Variants in IL19 observed in about 807,000 individuals in gnomAD.
The protein encoded by IL19 is interleukin 19, also known as interleukin-19.
IL19 carries 15 observed loss-of-function variants against 19.5 expected under a neutral mutation model. That is an observed-to-expected ratio of 0.77 (90% CI 0.52 to 1.19). IL19 has a LOEUF of 1.19. Among genes scored for constraint, IL19 ranks in the 50% most tolerant of loss-of-function variants. The pLI is 0.00. For synonymous variants in IL19, 78 were observed against 78.3 expected, an observed-to-expected ratio of 1.00 and a Z score of 0.02; for missense variants, 199 against 213.1, an observed-to-expected ratio of 0.93 and a Z score of 0.41.
At chr1:206,797,851 G>T (rs1428027365) in intron 1 of IL19, among the ~76,000 whole-genome samples, 3 of 152,214 alleles carry the variant, frequency 2.0e-5, no homozygotes, top group Non-Finnish European at 4.4e-5. Flanking sequence ...CTTTCTCCAC[G>T]TGACTATGAG....
chr1:206,789,833 T>C (rs979053435), intron 1 of IL19, among the ~76,000 whole-genome samples: 1 of 152,176 alleles, frequency 6.6e-6, no homozygotes, highest in Admixed American at 6.5e-5. Flanking sequence ...TGGCATTTGG[T>C]TTTCTGTTCC....
At chr1:206,835,499 C>T (rs1349301430) in intron 2 of IL19, among the ~76,000 whole-genome samples, 2 of 152,196 alleles carry the variant, frequency 1.3e-5, no homozygotes, top group Non-Finnish European at 2.9e-5. Context: ...GCTGGGAATC[C>T]TGAGGAAGGC....
At chr1:206,773,283 A>G (rs1377502324) in intron 1 of IL19, among the ~76,000 whole-genome samples, 1 of 152,242 alleles carries the variant, frequency 6.6e-6, no homozygotes, top group Non-Finnish European at 1.5e-5. Context: ...ACTGAGGCAC[A>G]GAGATATTAC....
Position 206,839,851 on chromosome 1 carries a change from C to T in IL19, c.212C>T (p.Pro71Leu). 1 of 1,612,162 alleles carries T rather than the reference C, an allele frequency of 6.2e-7. No homozygotes were observed. Among genetic ancestry groups the T allele is most frequent in the Non-Finnish European group, 8.5e-7 (1 of 1,179,008 alleles). Residue 71 changes from proline to leucine, a missense_variant and splice_region_variant, in exon 5 of 7, where the codon CCC becomes CTC. Coordinates refer to ENST00000659997, the MANE Select transcript of IL19 (RefSeq NM_153758.5). The part of the protein sequence containing the change: ...STLETLQIIK[P>L]LDVCCVTKNL... ...TGTTTCCCTAATTTGTGTTTGTAGC[C>T]CTTAGATGTGTGCTGCGTGACCAAG...
chr1:206,838,752 T>C (rs1025885585), intron 4 of IL19, among the ~76,000 whole-genome samples: 1 of 72,874 alleles, frequency 1.4e-5, no homozygotes, highest in Non-Finnish European at 2.8e-5. Flanking sequence ...TTCCCTTCCC[T>C]TCCCTTCCCT....
At chr1:206,813,499 C>A (rs940393919) in intron 2 of IL19, among the ~76,000 whole-genome samples, 1 of 152,156 alleles carries the variant, frequency 6.6e-6, no homozygotes, top group Non-Finnish European at 1.5e-5. Flanking sequence ...AGATTTGGAT[C>A]CTAATACCCT....
chr1:206,824,351 A>G (rs1244849709), intron 2 of IL19, among the ~76,000 whole-genome samples: 1 of 152,210 alleles, frequency 6.6e-6, no homozygotes, highest in Non-Finnish European at 1.5e-5. Flanking sequence ...AGTGTGAAGT[A>G]ATGCTATATG....
rs193008315 is a variant in IL19, at chr1:206,817,934, T to C, written c.-2-18727T>C. ...GTGTGCCACCACTACCAGCTAATAG[T>C]AGTATTTTTAGTAGAGATGGGGTTT... On this transcript the variant is annotated intron_variant, in intron 2 of 6. Transcript: ENST00000659997. Among the ~76,000 whole-genome samples the C allele has an allele frequency of 3.4e-3, 511 of 152,238 alleles. 1 individual carries two copies. The highest frequency in any genetic ancestry group is 0.012 in the African/African-American group (498 of 41,544).
At chr1:206,815,657 C>T (rs190861790) in intron 2 of IL19, among the ~76,000 whole-genome samples, 245 of 152,144 alleles carry the variant, frequency 1.6e-3, no homozygotes, top group African/African-American at 5.4e-3. Flanking sequence ...CTATATGAAA[C>T]GTAGTCTTGG....
Position 206,839,922 on chromosome 1 carries a change from G to A in IL19, c.283G>A (p.Glu95Lys). 6.2e-7 allele frequency: 1 copy of A among 1,614,072 alleles called. No homozygotes were observed. Among genetic ancestry groups the A allele is most frequent in the Non-Finnish European group, 8.5e-7 (1 of 1,179,994 alleles). Residue 95 changes from glutamate (E) to lysine (K), a missense_variant, in exon 5 of 7, where the codon GAG becomes AAG. Transcript: ENST00000659997. ...GGACAGGGTGTTCAAGGATCATCAGGAGCCAAACCCCAAAATCTTGAGAAA... is the reference window on the plus strand; with the variant it reads ...GGACAGGGTGTTCAAGGATCATCAGAAGCCAAACCCCAAAATCTTGAGAAA... ...YVDRVFKDHQ[E>K]PNPKILRKIS...
rs1572545802 is a variant in IL19, at chr1:206,782,416, G to A, written c.-149+11338G>A. Among the ~76,000 whole-genome samples the A allele has an allele frequency of 1.0e-4, 8 of 76,562 alleles. No individual in the cohort carries two copies. In the South Asian group the frequency reaches 3.5e-3, roughly 33 times the overall value. 50.2% of individuals were successfully genotyped at this position (76,562 alleles called of 152,430 possible). On this transcript the variant is annotated intron_variant, in intron 1 of 6. Coordinates refer to ENST00000659997, the MANE Select transcript of IL19 (RefSeq NM_153758.5). ...AGACCACCCTTAGAGAATGAATGCT[G>A]TAAGTGTTTCACAGAAATCTCTGGG...
intron 2 of IL19, among the ~76,000 whole-genome samples, chr1:206,813,472 C>T (rs1676069738): frequency 6.6e-6 from 1 of 152,140 alleles, no homozygotes; most frequent in Non-Finnish European, 1.5e-5. Flanking sequence ...AATAGCCAGC[C>T]AGTGTCTCTT....
At chr1:206,824,895 C>T (rs1676391382) in intron 2 of IL19, among the ~76,000 whole-genome samples, 1 of 152,160 alleles carries the variant, frequency 6.6e-6, no homozygotes, top group African/African-American at 2.4e-5. Context: ...CCTGGGATTA[C>T]AGGCGCCCAT....
chr1:206,773,994 G>C (rs1674929347), intron 1 of IL19, among the ~76,000 whole-genome samples: 1 of 152,184 alleles, frequency 6.6e-6, no homozygotes, highest in South Asian at 2.1e-4. Flanking sequence ...CCAGATGGAG[G>C]GCATTTCCAG....
At chr1:206,786,096 T>C (rs1012440409) in intron 1 of IL19, among the ~76,000 whole-genome samples, 2 of 152,114 alleles carry the variant, frequency 1.3e-5, no homozygotes, top group South Asian at 2.1e-4. Flanking sequence ...AGCTCTGCCA[T>C]TGGAATCCAG....
At position 206,798,843 on chromosome 1, in the gene IL19, C is replaced by G; in HGVS notation, c.-148-18C>G. 7.4e-7 allele frequency: 1 copy of G among 1,353,898 alleles called. No homozygotes were observed. Among genetic ancestry groups the G allele is most frequent in the Middle Eastern group, 2.5e-4 (1 of 4,050 alleles). The allele number at this position is 1,353,898 out of a possible 1,614,324, so 83.9% of individuals were successfully genotyped here. On this transcript the variant is annotated intron_variant, in intron 1 of 6. Transcript: ENST00000659997. The stretch of plus-strand genomic sequence containing the variant: ...TGTACCTTTTTGTAATGATGACTCT[C>G]TATGATTTTCTCCATAGAGCGGTGC...
At chr1:206,839,807 T>G in intron 4 of IL19, 43 bp from the exon 5 acceptor site, 2 of 1,553,384 alleles carry the variant, frequency 1.3e-6, no homozygotes, top group Non-Finnish European at 1.7e-6. Flanking sequence ...TCCAACATAA[T>G]GAGAGAAGAG....
intron 1 of IL19, among the ~76,000 whole-genome samples, chr1:206,776,538 G>T (rs959669275): frequency 2.6e-5 from 4 of 151,874 alleles, no homozygotes; most frequent in African/African-American, 9.7e-5. Context: ...GCAGTCATCG[G>T]CCAACCTCCC....
chr1:206,804,744 A>C (rs1441049689), intron 2 of IL19, among the ~76,000 whole-genome samples: 3 of 152,198 alleles, frequency 2.0e-5, no homozygotes, highest in Non-Finnish European at 4.4e-5. Context: ...TGCTTTCCGC[A>C]CCTTTGTTTG....
Sources: allele counts gnomAD v4.1 joint callset (sites outside exome capture counted in the v4.1 genomes callset), GRCh38; gene constraint gnomAD v4.1.1; transcripts MANE v1.5; gene names NCBI Gene and HGNC (gene_info 2026-07-23, HGNC 2026-07-21).